Variants in GLI3 observed in about 807,000 individuals in gnomAD.
The protein encoded by GLI3 is GLI family zinc finger 3.
Under a neutral mutation model 100.8 loss-of-function variants are expected in GLI3, and 20 were observed. The ratio of observed to expected loss-of-function variants is 0.20; its 90% CI spans 0.14 to 0.29. GLI3 has a LOEUF of 0.29. GLI3 is among the 10% of genes least tolerant of loss of function. The pLI is 1.00. For missense variants in GLI3, 2,040 were observed against 2,128.5 expected, an observed-to-expected ratio of 0.96 and a Z score of 0.82; for synonymous variants, 938 against 860.5, an observed-to-expected ratio of 1.09 and a Z score of -1.58.
At chr7:42,162,565 C>G (rs2128794212) in intron 2 of GLI3, among the ~76,000 whole-genome samples, 1 of 152,256 alleles carries the variant, frequency 6.6e-6, no homozygotes, top group Non-Finnish European at 1.5e-5. Context: ...TGGGCCAGTT[C>G]TACGAAAGTT....
intron 3 of GLI3, among the ~76,000 whole-genome samples, chr7:42,107,534 C>T (rs550998994): frequency 2.6e-5 from 4 of 152,126 alleles, no homozygotes; most frequent in Admixed American, 2.6e-4. Context: ...AGAGTTCTGC[C>T]CTTGCTGACT....
chr7:42,147,987 C>T (rs969445330), intron 3 of GLI3, among the ~76,000 whole-genome samples: 30 of 152,068 alleles, frequency 2.0e-4, no homozygotes, highest in Admixed American at 2.0e-3. Context: ...TCCTGAAGGC[C>T]GCCCCACTGA....
At chr7:42,142,887 C>T (rs1052073840) in intron 3 of GLI3, among the ~76,000 whole-genome samples, 1 of 144,012 alleles carries the variant, frequency 6.9e-6, no homozygotes, top group Non-Finnish European at 1.5e-5. Context: ...TGCAGTGAGC[C>T]GAGATTGCGC....
chr7:41,994,204 A>T (rs1451920934), intron 10 of GLI3, among the ~76,000 whole-genome samples: 1 of 152,218 alleles, frequency 6.6e-6, no homozygotes, highest in Non-Finnish European at 1.5e-5. Flanking sequence ...CCTTGACAAG[A>T]TTAAGCTGCA....
chr7:42,186,988 T>C (rs747453983), intron 2 of GLI3, among the ~76,000 whole-genome samples: 1 of 151,864 alleles, frequency 6.6e-6, no homozygotes, highest in Non-Finnish European at 1.5e-5. Flanking sequence ...GGCAGGAGGA[T>C]TGCTTGAGCT....
At chr7:42,142,129 T>C (rs990128042) in intron 3 of GLI3, among the ~76,000 whole-genome samples, 1 of 152,174 alleles carries the variant, frequency 6.6e-6, no homozygotes, top group Non-Finnish European at 1.5e-5. Context: ...GTGTCCACGG[T>C]AGGAAAATAT....
intron 2 of GLI3, among the ~76,000 whole-genome samples, chr7:42,212,707 A>G (rs546556070): frequency 6.6e-6 from 1 of 152,356 alleles, no homozygotes; most frequent in East Asian, 1.9e-4. Flanking sequence ...CAATCAGCAG[A>G]GATCAGTGAC....
chr7:42,181,446 C>T (rs569121122), intron 2 of GLI3, among the ~76,000 whole-genome samples: 1 of 151,614 alleles, frequency 6.6e-6, no homozygotes. Context: ...ATAAAAAAAT[C>T]CAAAAAAAAA....
intron 2 of GLI3, among the ~76,000 whole-genome samples, chr7:42,213,848 T>C (rs1788319024): frequency 6.6e-6 from 1 of 152,362 alleles, no homozygotes. Context: ...TATGGAATTC[T>C]TTCCACCCAC....
chr7:42,197,847 C>T (rs1464422237), intron 2 of GLI3, among the ~76,000 whole-genome samples: 32 of 152,172 alleles, frequency 2.1e-4, no homozygotes, highest in Admixed American at 2.1e-3. Context: ...AAGGCTCTCG[C>T]TCTACATAAC....
At position 42,098,761 on chromosome 7, in the gene GLI3, G is replaced by T. The variant is rs959864720; in HGVS notation, c.368-21904C>A. Among the ~76,000 whole-genome samples, 3 of 152,096 alleles carry T rather than the reference G, an allele frequency of 2.0e-5. No individual in the cohort carries two copies. In the East Asian group the frequency reaches 5.8e-4, roughly 29 times the overall value. On this transcript the variant is annotated intron_variant, in intron 3 of 14. Transcript: ENST00000395925. ...ATGTCCCTTATTCCCCATTGGGTCAGATTTTTCAGCTACCCCAAGAGAAAA... is the reference window on the plus strand; with the variant it reads ...ATGTCCCTTATTCCCCATTGGGTCATATTTTTCAGCTACCCCAAGAGAAAA...
At chr7:42,173,019 T>C (rs890869676) in intron 2 of GLI3, among the ~76,000 whole-genome samples, 1 of 152,226 alleles carries the variant, frequency 6.6e-6, no homozygotes, top group Non-Finnish European at 1.5e-5. Context: ...GCCTGCCCTC[T>C]GCAGGGTAGC....
At chr7:42,162,531 C>T (rs1303655628) in intron 2 of GLI3, among the ~76,000 whole-genome samples, 1 of 152,198 alleles carries the variant, frequency 6.6e-6, no homozygotes, top group Non-Finnish European at 1.5e-5. Context: ...ATTCAAAGAA[C>T]TCTTCCATCC....
intron 1 of GLI3, among the ~76,000 whole-genome samples, chr7:42,231,089 T>C (rs1237573323): frequency 1.3e-5 from 2 of 152,192 alleles, no homozygotes; most frequent in Admixed American, 6.5e-5. Flanking sequence ...TTGTGTAGCT[T>C]TGGTTTCTTA....
At chr7:42,079,357 G>A (rs1035335365) in intron 3 of GLI3, among the ~76,000 whole-genome samples, 5 of 152,106 alleles carry the variant, frequency 3.3e-5, no homozygotes, top group East Asian at 1.9e-4. Flanking sequence ...TTTTGCACTC[G>A]TTTGAAAGCC....
At position 42,222,589 on chromosome 7, in the gene GLI3, C is replaced by T. The variant is rs372494059; in HGVS notation, c.124+541G>A. 2.2e-4 allele frequency among the ~76,000 whole-genome samples: 33 copies of T among 152,284 alleles called. No homozygotes were observed. In the East Asian group the frequency reaches 5.4e-3, roughly 25 times the overall value. On this transcript the variant is annotated intron_variant, in intron 2 of 14. Coordinates refer to ENST00000395925, the MANE Select transcript of GLI3 (RefSeq NM_000168.6). ...ACAGTGGCTCTGTGTTATCTCTGAA[C>T]ACAAATAAGTAAATTAAATTTTTAT...
At chr7:42,260,944 T>A (rs1470623180) in intron 1 of GLI3, among the ~76,000 whole-genome samples, 4 of 152,188 alleles carry the variant, frequency 2.6e-5, no homozygotes, top group African/African-American at 9.7e-5. Context: ...TTCAGGCAAC[T>A]ACAAGGTGTG....
intron 7 of GLI3, among the ~76,000 whole-genome samples, chr7:42,034,950 C>T (rs1016278705): frequency 3.9e-5 from 6 of 151,978 alleles, no homozygotes; most frequent in South Asian, 2.1e-4. Context: ...CCCAGTACAG[C>T]GACTAGCACA....
rs1263345335 is a variant in GLI3 at position 41,965,353 on chromosome 7, A to G, written c.3720T>C (p.Ser1240=). The G allele has an allele frequency of 6.2e-7, 1 of 1,613,492 alleles. No individual in the cohort carries two copies. Among genetic ancestry groups the G allele is most frequent in the South Asian group, 1.1e-5 (1 of 91,020 alleles). The change falls in exon 15 of 15, where the codon AGT becomes AGC. Residue 1240 remains serine, a synonymous_variant. Coordinates refer to ENST00000395925, the MANE Select transcript of GLI3 (RefSeq NM_000168.6). ...AGGGCTGTTCATGGAAGGCGTTTCC[A>G]CTGGTGCCACTTCCGGGGCTGTTGT... The part of the protein sequence containing the change: ...MLHNSPGSGT[S]GNAFHEQPCK...
Sources: allele counts gnomAD v4.1 joint callset (sites outside exome capture counted in the v4.1 genomes callset), GRCh38; gene constraint gnomAD v4.1.1; transcripts MANE v1.5; gene names NCBI Gene and HGNC (gene_info 2026-07-23, HGNC 2026-07-21).